The following NRXN1 variants were observed in gnomAD, a reference collection of about 807,000 sequenced individuals.
NRXN1 encodes neurexin-1.
Under a neutral mutation model 150.9 loss-of-function variants are expected in NRXN1, and 39 were observed. The observed-to-expected ratio is 0.26, with a 90% CI of 0.20 to 0.34. The LOEUF is 0.34. NRXN1 is among the 10% of genes least tolerant of loss of function. The probability of loss-of-function intolerance (pLI) is 1.00; values close to 1 mark genes in which losing one functional copy is unlikely to be tolerated. For synonymous variants in NRXN1, 924 were observed against 757.0 expected, an observed-to-expected ratio of 1.22 and a Z score of -3.62; for missense variants, 1,815 against 1,949.9, an observed-to-expected ratio of 0.93 and a Z score of 1.30.
intron 5 of NRXN1, among the ~76,000 whole-genome samples, chr2:50,685,462 T>C (rs1574094466): frequency 6.6e-6 from 1 of 152,170 alleles, no homozygotes; most frequent in Admixed American, 6.6e-5. Context: ...CAAACTAGTT[T>C]ATTGACATCA....
chr2:50,817,165 A>C (rs957746609), intron 5 of NRXN1, among the ~76,000 whole-genome samples: 1 of 152,142 alleles, frequency 6.6e-6, no homozygotes, highest in African/African-American at 2.4e-5. Flanking sequence ...GAGATACAAC[A>C]GAGTAAATAT....
At chr2:50,247,913 A>G (rs1190674369) in intron 17 of NRXN1, among the ~76,000 whole-genome samples, 1 of 152,198 alleles carries the variant, frequency 6.6e-6, no homozygotes, top group African/African-American at 2.4e-5. Flanking sequence ...AAGTGAAGAC[A>G]CAAGAAGGCT....
intron 8 of NRXN1, among the ~76,000 whole-genome samples, chr2:50,612,285 T>C (rs1678286922): frequency 6.6e-6 from 1 of 152,172 alleles, no homozygotes; most frequent in Admixed American, 6.5e-5. Context: ...TCTGAGAAAC[T>C]GGTGGTGCAT....
chr2:50,518,507 T>A (rs2092691601), intron 12 of NRXN1, among the ~76,000 whole-genome samples: 1 of 151,918 alleles, frequency 6.6e-6, no homozygotes, highest in South Asian at 2.1e-4. Flanking sequence ...ACTCATTTAA[T>A]GTATTTTCTG....
At chr2:50,865,669 T>TTTTTTG (rs1676816560) in intron 5 of NRXN1, among the ~76,000 whole-genome samples, 3 of 133,032 alleles carry the variant, frequency 2.3e-5, no homozygotes, top group Non-Finnish European at 4.9e-5. Flanking sequence ...TTTTTTTTTT[T>TTTTTTG]TTTTTTTTTT....
intron 17 of NRXN1, among the ~76,000 whole-genome samples, chr2:50,353,662 T>C (rs2078585060): frequency 6.6e-6 from 1 of 152,158 alleles, no homozygotes; most frequent in Non-Finnish European, 1.5e-5. Flanking sequence ...TTAGTTTAGC[T>C]TATTTATTCT....
chr2:50,967,523 T>A lies in NRXN1; in HGVS notation c.773-41568A>T, dbSNP rs894648917. 2.6e-5 allele frequency among the ~76,000 whole-genome samples: 4 copies of A among 151,968 alleles called. No individual in the cohort carries two copies. In the East Asian group the frequency reaches 5.8e-4, roughly 22 times the overall value. On this transcript the variant is annotated intron_variant, in intron 2 of 22. Coordinates refer to ENST00000401669, the MANE Select transcript of NRXN1 (RefSeq NM_001330078.2). ...TCTTTTAAGGAAGTATGGGCACTGA[T>A]TATGTTCTGGAAAACTGGAAGAATA...
intron 17 of NRXN1, among the ~76,000 whole-genome samples, chr2:50,272,882 C>G (rs1182236761): frequency 6.6e-6 from 1 of 151,568 alleles, no homozygotes; most frequent in Non-Finnish European, 1.5e-5. Flanking sequence ...AAAAGAAACC[C>G]TTAATGAAAA....
intron 17 of NRXN1, among the ~76,000 whole-genome samples, chr2:50,334,713 G>C (rs1255894961): frequency 6.6e-6 from 1 of 152,118 alleles, no homozygotes; most frequent in African/African-American, 2.4e-5. Flanking sequence ...GCTTTCTCCA[G>C]GGATACTTTT....
intron 17 of NRXN1, among the ~76,000 whole-genome samples, chr2:50,404,269 T>C (rs1018111435): frequency 6.6e-6 from 1 of 152,122 alleles, no homozygotes; most frequent in Admixed American, 6.5e-5. Flanking sequence ...CCCAGGATAG[T>C]TTCTTTCTAA....
chr2:50,874,977 C>A (rs1406849818), intron 5 of NRXN1, among the ~76,000 whole-genome samples: 2 of 151,744 alleles, frequency 1.3e-5, no homozygotes, highest in African/African-American at 4.8e-5. Flanking sequence ...AAAAAAGCCC[C>A]ATCAGTTGTC....
chr2:50,627,862 C>T (rs1681448610), intron 5 of NRXN1, among the ~76,000 whole-genome samples: 1 of 151,472 alleles, frequency 6.6e-6, no homozygotes, highest in South Asian at 2.1e-4. Flanking sequence ...CAGATACTGT[C>T]TAACATGCCA....
At chr2:50,516,460 A>G (rs1573358002) in intron 12 of NRXN1, among the ~76,000 whole-genome samples, 1 of 152,302 alleles carries the variant, frequency 6.6e-6, no homozygotes. Context: ...TTCTTCATTT[A>G]TCTATGTGAG....
chr2:50,832,354 A>T (rs1345901414), intron 5 of NRXN1, among the ~76,000 whole-genome samples: 1 of 152,152 alleles, frequency 6.6e-6, no homozygotes. Context: ...GAAGACACTG[A>T]AAAAATGACA....
At chr2:50,198,283 A>G (rs372304516) in intron 18 of NRXN1, among the ~76,000 whole-genome samples, 1 of 152,142 alleles carries the variant, frequency 6.6e-6, no homozygotes, top group African/African-American at 2.4e-5. Context: ...ATTAAATAGG[A>G]TCATTTAATA....
At chr2:50,906,171 T>C (rs1683642007) in intron 5 of NRXN1, among the ~76,000 whole-genome samples, 1 of 152,108 alleles carries the variant, frequency 6.6e-6, no homozygotes, top group South Asian at 2.1e-4. Context: ...AAATACCAAG[T>C]AGATTAATAT....
chr2:50,571,814 G>A (rs1050246843), intron 8 of NRXN1, among the ~76,000 whole-genome samples: 2 of 152,076 alleles, frequency 1.3e-5, no homozygotes, highest in African/African-American at 4.8e-5. Flanking sequence ...TGGGGGAAAA[G>A]CTTAGAAAAA....
At chr2:50,098,694 T>C (rs1700564403) in intron 18 of NRXN1, among the ~76,000 whole-genome samples, 1 of 152,098 alleles carries the variant, frequency 6.6e-6, no homozygotes, top group Non-Finnish European at 1.5e-5. Flanking sequence ...ATATGACCAA[T>C]TTGGTGGGGC....
In NRXN1 at chr2:50,244,139, A is replaced by G. The variant is rs1187637974; in HGVS notation, c.3365-7169T>C. Among the ~76,000 whole-genome samples the G allele has an allele frequency of 7.2e-5, 11 of 151,966 alleles. No homozygotes were observed. In the Admixed American group the frequency reaches 7.2e-4, roughly 10 times the overall value. ...TAGAAAGAATTATATATTCATAAATACATTTTATCACATTTTGATGTTTAT... is the reference window on the plus strand; with the variant it reads ...TAGAAAGAATTATATATTCATAAATGCATTTTATCACATTTTGATGTTTAT... On this transcript the variant is annotated intron_variant, in intron 17 of 22. Coordinates refer to ENST00000401669, the MANE Select transcript of NRXN1 (RefSeq NM_001330078.2).
Sources: gnomAD v4.1 joint callset for allele counts (sites outside exome capture counted in the v4.1 genomes callset) on GRCh38, gnomAD v4.1.1 for gene constraint, MANE v1.5 for transcripts, NCBI Gene and HGNC (gene_info 2026-07-23, HGNC 2026-07-21) for gene names.